The following HS6ST2 variants were observed in gnomAD, a reference collection of about 807,000 sequenced individuals.
The protein encoded by HS6ST2 is heparan sulfate 6-O-sulfotransferase 2.
Under a neutral mutation model 33.0 loss-of-function variants are expected in HS6ST2, and 17 were observed. That is an observed-to-expected ratio of 0.52 (90% CI 0.35 to 0.77). The LOEUF (loss-of-function observed/expected upper bound fraction) is 0.77. Ranked by LOEUF, HS6ST2 falls within the 30% of genes least tolerant of loss-of-function variation. HS6ST2 has a pLI of 0.01. For missense variants in HS6ST2, 519 were observed against 551.7 expected (o/e 0.94, Z 0.59); for synonymous variants, 248 against 237.1 (o/e 1.05, Z -0.42).
intron 2 of HS6ST2, among the ~76,000 whole-genome samples, chrX:132,849,095 G>T (rs1382585792): frequency 1.8e-5 from 2 of 111,556 alleles, no homozygotes; most frequent in African/African-American, 6.5e-5. Flanking sequence ...AAAACAAAAA[G>T]CAAACAAAGA....
chrX:132,857,520 C>T (rs1275252127), intron 2 of HS6ST2, among the ~76,000 whole-genome samples: 4 of 109,484 alleles, frequency 3.7e-5, no homozygotes, highest in Admixed American at 1.9e-4. Context: ...AGAAAAAGTA[C>T]ATCCTTGTTA....
intron 2 of HS6ST2, among the ~76,000 whole-genome samples, chrX:132,911,492 G>C (rs1449793253): frequency 1.8e-5 from 2 of 111,812 alleles, no homozygotes; most frequent in African/African-American, 6.5e-5. Flanking sequence ...TTTATCCCAG[G>C]GACAAATCAA....
At chrX:132,736,407 CTCTTT>C (rs983379337) in intron 2 of HS6ST2, among the ~76,000 whole-genome samples, 2 of 111,768 alleles carry the variant, frequency 1.8e-5, no homozygotes, top group African/African-American at 6.5e-5. Context: ...ACAATTTTTC[CTCTTT>C]TCTTTTAGGT....
chrX:132,819,345 T>C (rs761497676), intron 2 of HS6ST2, among the ~76,000 whole-genome samples: 1 of 111,544 alleles, frequency 9.0e-6, no homozygotes, highest in African/African-American at 3.3e-5. Flanking sequence ...TTAGGGATTA[T>C]GTGAATGTTG....
intron 2 of HS6ST2, among the ~76,000 whole-genome samples, chrX:132,880,615 ACTTTTTTTTT>A (rs1026246760): frequency 1.8e-5 from 2 of 109,437 alleles, no homozygotes; most frequent in Admixed American, 1.9e-4. Flanking sequence ...TTAACCAACA[ACTTTTTTTTT>A]CTTTTTTTTT....
At chrX:132,747,584 C>CT (rs1309660860) in intron 2 of HS6ST2, among the ~76,000 whole-genome samples, 1 of 110,667 alleles carries the variant, frequency 9.0e-6, no homozygotes, top group African/African-American at 3.3e-5. Flanking sequence ...AATCTTGGCT[C>CT]TATCTCCATG....
intron 3 of HS6ST2, among the ~76,000 whole-genome samples, chrX:132,693,908 A>C (rs2064085060): frequency 8.9e-6 from 1 of 112,135 alleles, no homozygotes; most frequent in South Asian, 3.7e-4. Context: ...GCACCATGTC[A>C]CCCGTCAATA....
chrX:132,698,915 T>C (rs1285843498), intron 3 of HS6ST2, among the ~76,000 whole-genome samples: 1 of 112,213 alleles, frequency 8.9e-6, no homozygotes, highest in African/African-American at 3.2e-5. Flanking sequence ...TCGTGCTGAA[T>C]TATGGTAGGT....
At chrX:132,750,347 G>GAAAAAAAAA in intron 2 of HS6ST2, among the ~76,000 whole-genome samples, 1 of 56,411 alleles carries the variant, frequency 1.8e-5, no homozygotes, top group Non-Finnish European at 3.3e-5. Context: ...TGCCCATCAA[G>GAAAAAAAAA]AAAAAAAAAA....
chrX:132,670,082 T>C (rs1383530991), intron 3 of HS6ST2, among the ~76,000 whole-genome samples: 2 of 108,656 alleles, frequency 1.8e-5, no homozygotes, highest in Non-Finnish European at 3.8e-5. Flanking sequence ...TTATTTATCC[T>C]GATTTCATCA....
intron 2 of HS6ST2, among the ~76,000 whole-genome samples, chrX:132,819,336 T>C (rs960030932): frequency 9.0e-6 from 1 of 111,574 alleles, no homozygotes; most frequent in East Asian, 2.8e-4. Flanking sequence ...ATGCTGAATT[T>C]AGGGATTATG....
intron 2 of HS6ST2, among the ~76,000 whole-genome samples, chrX:132,726,580 G>A (rs1036599593): frequency 8.0e-5 from 9 of 111,977 alleles, no homozygotes; most frequent in Non-Finnish European, 1.3e-4. Flanking sequence ...TCACAGACAT[G>A]TGCAACCATC....
chrX:132,715,267 T>C (rs1196963840), intron 2 of HS6ST2, among the ~76,000 whole-genome samples: 1 of 110,811 alleles, frequency 9.0e-6, no homozygotes. Context: ...ACACCCCATC[T>C]CTACAAAAAA....
chrX:132,957,928 G>A (rs56066814), intron 1 of HS6ST2, among the ~76,000 whole-genome samples: 4 of 111,935 alleles, frequency 3.6e-5, no homozygotes, highest in Non-Finnish European at 7.6e-5. Context: ...TACCCTGGGG[G>A]AATGAGCCGG....
At chrX:132,954,996 T>C (rs2148507048) in intron 2 of HS6ST2, among the ~76,000 whole-genome samples, 1 of 111,767 alleles carries the variant, frequency 8.9e-6, no homozygotes, top group Admixed American at 9.5e-5. Context: ...AAAGGATCAG[T>C]AAAGGCACAT....
At chrX:132,941,438 C>T (rs1050337449) in intron 2 of HS6ST2, among the ~76,000 whole-genome samples, 1 of 111,874 alleles carries the variant, frequency 8.9e-6, no homozygotes, top group African/African-American at 3.3e-5. Flanking sequence ...GTCTCTAAAA[C>T]CCTCACTAAT....
chrX:132,629,334 G>T (rs748134097), intron 4 of HS6ST2, among the ~76,000 whole-genome samples: 1 of 111,710 alleles, frequency 9.0e-6, no homozygotes, highest in South Asian at 3.9e-4. Context: ...GGTATGAAAA[G>T]GTTAGATTCC....
At chrX:132,831,702 A>G (rs928891095) in intron 2 of HS6ST2, among the ~76,000 whole-genome samples, 5 of 112,299 alleles carry the variant, frequency 4.5e-5, no homozygotes, top group African/African-American at 1.6e-4. Context: ...TGTCTTAGGC[A>G]GAAGCCACCC....
chrX:132,680,360 A>G (rs2063959772), intron 3 of HS6ST2, among the ~76,000 whole-genome samples: 1 of 110,925 alleles, frequency 9.0e-6, no homozygotes, highest in Admixed American at 9.7e-5. Flanking sequence ...AGAAGATGAC[A>G]TGTTCAGTTT....
Sources: allele counts gnomAD v4.1 joint callset (sites outside exome capture counted in the v4.1 genomes callset), GRCh38; gene constraint gnomAD v4.1.1; transcripts MANE v1.5; gene names NCBI Gene and HGNC (gene_info 2026-07-23, HGNC 2026-07-21).